LHFPL3: variants seen among roughly 807,000 people sequenced by gnomAD.
The protein encoded by LHFPL3 is LHFPL tetraspan subfamily member 3 protein.
LHFPL3 carries 5 observed loss-of-function variants against 19.3 expected under a neutral mutation model. The observed-to-expected ratio is 0.26, with a 90% CI of 0.14 to 0.54. The LOEUF is 0.54. LHFPL3 is among the 20% of genes least tolerant of loss of function. LHFPL3 has a pLI of 0.94. For missense variants in LHFPL3, 249 were observed against 307.4 expected (o/e 0.81, Z 1.42); for synonymous variants, 133 against 126.2 (o/e 1.05, Z -0.36).
intron 1 of LHFPL3, among the ~76,000 whole-genome samples, chr7:104,338,043 G>A (rs1407757711): frequency 1.3e-5 from 2 of 149,324 alleles, no homozygotes; most frequent in Admixed American, 1.3e-4. Flanking sequence ...TAGAAAATAC[G>A]AATGCAAGGC....
chr7:104,363,294 C>A (rs989189043), intron 1 of LHFPL3, among the ~76,000 whole-genome samples: 14 of 152,248 alleles, frequency 9.2e-5, no homozygotes, highest in African/African-American at 3.1e-4. Flanking sequence ...AATTTTCCCA[C>A]TGTAATAATC....
intron 1 of LHFPL3, among the ~76,000 whole-genome samples, chr7:104,352,711 A>G (rs962934386): frequency 6.6e-6 from 1 of 152,250 alleles, no homozygotes; most frequent in African/African-American, 2.4e-5. Flanking sequence ...AACGCAGAGA[A>G]CAATAAGTCT....
chr7:104,876,492 A>C (rs950811141), intron 2 of LHFPL3, among the ~76,000 whole-genome samples: 6 of 151,806 alleles, frequency 4.0e-5, no homozygotes, highest in African/African-American at 7.3e-5. Flanking sequence ...TCTCAAAAGA[A>C]GACATTTATG....
chr7:104,599,775 G>A (rs1790929233), intron 1 of LHFPL3, among the ~76,000 whole-genome samples: 1 of 152,190 alleles, frequency 6.6e-6, no homozygotes, highest in African/African-American at 2.4e-5. Flanking sequence ...TGTGCAGAGG[G>A]ATGCAGGTAT....
chr7:104,877,202 A>C (rs540543519), intron 2 of LHFPL3, among the ~76,000 whole-genome samples: 2 of 152,178 alleles, frequency 1.3e-5, no homozygotes, highest in Admixed American at 6.5e-5. Flanking sequence ...GGTGCAGCAC[A>C]CCAACATGGC....
intron 1 of LHFPL3, among the ~76,000 whole-genome samples, chr7:104,342,894 C>G (rs1442446227): frequency 6.6e-6 from 1 of 152,092 alleles, no homozygotes; most frequent in Admixed American, 6.5e-5. Flanking sequence ...ATGTTTTGGC[C>G]ACACATAGTG....
chr7:104,683,814 C>A (rs6962309), intron 1 of LHFPL3, among the ~76,000 whole-genome samples: 1 of 151,938 alleles, frequency 6.6e-6, no homozygotes, highest in South Asian at 2.1e-4. Flanking sequence ...GACATTTGTA[C>A]AATATTTAAT....
intron 1 of LHFPL3, among the ~76,000 whole-genome samples, chr7:104,612,630 A>G (rs549905312): frequency 1.3e-5 from 2 of 152,348 alleles, no homozygotes; most frequent in South Asian, 4.1e-4. Flanking sequence ...ATTTGAAAGC[A>G]TAAAAAGAAC....
At chr7:104,905,855 G>A (rs1381143782) in intron 2 of LHFPL3, among the ~76,000 whole-genome samples, 1 of 152,218 alleles carries the variant, frequency 6.6e-6, no homozygotes, top group Non-Finnish European at 1.5e-5. Flanking sequence ...AAACACTCAA[G>A]TGACACATTT....
At chr7:104,380,782 T>G (rs942690683) in intron 1 of LHFPL3, among the ~76,000 whole-genome samples, 3 of 152,150 alleles carry the variant, frequency 2.0e-5, no homozygotes, top group African/African-American at 7.2e-5. Flanking sequence ...CTTAAAAATA[T>G]GTCATTTATA....
rs573416510 is a variant in LHFPL3, at chr7:104,705,520, T to G, written c.446-31155T>G. Among the ~76,000 whole-genome samples the G allele has an allele frequency of 1.5e-3, 228 of 152,334 alleles. 1 individual carries two copies. The highest frequency in any genetic ancestry group is 3.4e-3 in the Middle Eastern group (1 of 294). ...ATTTGTTAGAGTTCTCTCCCCCTTC[T>G]TTTTTCAGTTCTATGAGTAGGAGTC... On this transcript the variant is annotated intron_variant, in intron 1 of 2. Coordinates refer to ENST00000424859, the MANE Select transcript of LHFPL3 (RefSeq NM_199000.3).
At chr7:104,477,743 TTAAAA>T (rs1373379079) in intron 1 of LHFPL3, among the ~76,000 whole-genome samples, 5 of 30,194 alleles carry the variant, frequency 1.7e-4, no homozygotes, top group African/African-American at 4.7e-4. Flanking sequence ...TACTCTGAAC[TTAAAA>T]TAAGTTAAAA....
chr7:104,860,499 G>A (rs1038964385), intron 2 of LHFPL3, among the ~76,000 whole-genome samples: 2 of 152,032 alleles, frequency 1.3e-5, no homozygotes, highest in African/African-American at 4.8e-5. Context: ...AGGTTTCCCA[G>A]GATAGTCCTC....
At chr7:104,862,287 T>A (rs890173906) in intron 2 of LHFPL3, among the ~76,000 whole-genome samples, 3 of 152,096 alleles carry the variant, frequency 2.0e-5, no homozygotes, top group African/African-American at 7.2e-5. Flanking sequence ...TGAATTGTAA[T>A]GCAGATGAAA....
chr7:104,569,178 T>C (rs1435919173), intron 1 of LHFPL3, among the ~76,000 whole-genome samples: 1 of 152,230 alleles, frequency 6.6e-6, no homozygotes, highest in African/African-American at 2.4e-5. Flanking sequence ...TATCTTTATC[T>C]TCTTCCCTTT....
chr7:104,757,045 A>G (rs1794298855), intron 2 of LHFPL3, among the ~76,000 whole-genome samples: 1 of 152,226 alleles, frequency 6.6e-6, no homozygotes, highest in African/African-American at 2.4e-5. Context: ...GTACCCCAAA[A>G]TAAAGCTGCA....
At chr7:104,644,332 C>T (rs1329301554) in intron 1 of LHFPL3, among the ~76,000 whole-genome samples, 1 of 152,212 alleles carries the variant, frequency 6.6e-6, no homozygotes, top group African/African-American at 2.4e-5. Flanking sequence ...CCAAATGTTG[C>T]CTGCCAATGC....
At chr7:104,785,558 G>A (rs1789895654) in intron 2 of LHFPL3, among the ~76,000 whole-genome samples, 1 of 152,118 alleles carries the variant, frequency 6.6e-6, no homozygotes, top group African/African-American at 2.4e-5. Context: ...GTTCTCCAAT[G>A]GGAATAAAAA....
chr7:104,742,794 G>A (rs902308025), intron 2 of LHFPL3, among the ~76,000 whole-genome samples: 1 of 152,174 alleles, frequency 6.6e-6, no homozygotes, highest in Non-Finnish European at 1.5e-5. Context: ...CTTCATATCA[G>A]TGAGCACATT....
Sources: allele counts gnomAD v4.1 joint callset (sites outside exome capture counted in the v4.1 genomes callset), GRCh38; gene constraint gnomAD v4.1.1; transcripts MANE v1.5; gene names NCBI Gene and HGNC (gene_info 2026-07-23, HGNC 2026-07-21).